The following SORCS3 variants were observed in gnomAD, a reference collection of about 807,000 sequenced individuals.
SORCS3 encodes the protein sortilin related VPS10 domain containing receptor 3.
SORCS3 carries 57 observed loss-of-function variants against 146.3 expected under a neutral mutation model. The ratio of observed to expected loss-of-function variants is 0.39; its 90% CI spans 0.31 to 0.49. The LOEUF (loss-of-function observed/expected upper bound fraction) is 0.49. Among genes scored for constraint, SORCS3 ranks in the 20% least tolerant of loss-of-function variants. The pLI, the probability that SORCS3 is intolerant of heterozygous loss-of-function variation, is 0.92. For synonymous variants in SORCS3, 653 were observed against 618.5 expected (o/e 1.06, Z -0.83); for missense variants, 1,341 against 1,575.5 (o/e 0.85, Z 2.52).
intron 1 of SORCS3, among the ~76,000 whole-genome samples, chr10:104,739,368 A>G (rs940840666): frequency 6.6e-6 from 1 of 152,208 alleles, no homozygotes; most frequent in Non-Finnish European, 1.5e-5. Flanking sequence ...ATTGTCACAT[A>G]GAAGTTCACC....
chr10:105,022,063 A>C (rs55649877), intron 4 of SORCS3, among the ~76,000 whole-genome samples: 2,226 of 152,242 alleles, frequency 0.015, 50 homozygotes, highest in African/African-American at 0.05. Flanking sequence ...ATAAATAGGC[A>C]GAGCACAGAA....
At chr10:105,211,345 G>A in intron 17 of SORCS3, 95 bp downstream of exon 17, 3 of 825,538 alleles carry the variant, frequency 3.6e-6, no homozygotes, top group Non-Finnish European at 6.2e-6. Flanking sequence ...ACAATGGAGT[G>A]AAGATGGAGT....
At chr10:104,871,630 A>G (rs746556320) in intron 2 of SORCS3, among the ~76,000 whole-genome samples, 2 of 152,200 alleles carry the variant, frequency 1.3e-5, no homozygotes, top group Non-Finnish European at 2.9e-5. Flanking sequence ...TAGCGTGCCC[A>G]TCTGAGTGAG....
At chr10:105,041,508 T>A (rs2055338365) in intron 4 of SORCS3, among the ~76,000 whole-genome samples, 1 of 148,038 alleles carries the variant, frequency 6.8e-6, no homozygotes, top group Non-Finnish European at 1.5e-5. Flanking sequence ...CCTACATACA[T>A]ACATGTTTAA....
intron 2 of SORCS3, among the ~76,000 whole-genome samples, chr10:104,913,314 G>A (rs2018989432): frequency 1.3e-5 from 2 of 152,150 alleles, no homozygotes; most frequent in Non-Finnish European, 2.9e-5. Flanking sequence ...GCATTGGTGT[G>A]ATGATGGAAA....
rs1024238289 is a variant in SORCS3 at position 104,881,029 on chromosome 10, T to C, written c.696-34804T>C. ...AGATAATGCCTTGGAATCAAAACTA[T>C]GATTATTTATTTGCTCCAACTTCAG... On this transcript the variant is annotated intron_variant, in intron 2 of 26. Coordinates refer to ENST00000369701, the MANE Select transcript of SORCS3 (RefSeq NM_014978.3). Among the ~76,000 whole-genome samples, 20 of 152,186 alleles carry C rather than the reference T, an allele frequency of 1.3e-4. 4 individuals carry two copies. The highest frequency in any genetic ancestry group is 1.2e-3 in the Admixed American group (19 of 15,284).
chr10:105,022,313 T>TC (rs374622031), intron 4 of SORCS3, among the ~76,000 whole-genome samples: 25,519 of 133,668 alleles, frequency 0.19, 2,415 homozygotes, highest in South Asian at 0.24. Context: ...TTTTTTTTTT[T>TC]CGAGACGGAG....
In SORCS3 at chr10:105,243,015, A is replaced by C. The variant is rs1414949443; in HGVS notation, c.2869-2527A>C. Among the ~76,000 whole-genome samples the C allele has an allele frequency of 2.3e-5, 3 of 130,528 alleles. No homozygotes were observed. The Admixed American group carries it at 2.8e-4, about 12-fold the overall frequency. 85.6% of individuals were successfully genotyped at this position (130,528 alleles called of 152,430 possible). A position where few individuals can be genotyped will look rare whatever the true frequency, so the allele number is the denominator to read the frequency against. On this transcript the variant is annotated intron_variant, in intron 20 of 26. Transcript: ENST00000369701. ...TATATTTATACATGTATTTTTATAT[A>C]TATTTATACATATATATTTACATAT...
intron 4 of SORCS3, among the ~76,000 whole-genome samples, chr10:104,980,459 A>G (rs2054925697): frequency 6.6e-6 from 1 of 152,222 alleles, no homozygotes; most frequent in Non-Finnish European, 1.5e-5. Context: ...AAGGAGAGTG[A>G]TGCTGTGCAG....
chr10:104,931,222 T>A (rs979062734), intron 3 of SORCS3, among the ~76,000 whole-genome samples: 1 of 152,192 alleles, frequency 6.6e-6, no homozygotes, highest in Admixed American at 6.5e-5. Context: ...GGCAGAACTA[T>A]GATTTTGGAG....
chr10:105,170,874 A>C (rs1472208162), intron 13 of SORCS3, among the ~76,000 whole-genome samples: 1 of 152,144 alleles, frequency 6.6e-6, no homozygotes, highest in Non-Finnish European at 1.5e-5. Context: ...CTTGTGAGAT[A>C]CAAGCTTCTG....
chr10:104,698,330 C>CT (rs2016241224), intron 1 of SORCS3, among the ~76,000 whole-genome samples: 2 of 152,210 alleles, frequency 1.3e-5, no homozygotes, highest in South Asian at 2.1e-4. Flanking sequence ...TCATTGCACT[C>CT]TTTTTTGCAA....
At chr10:105,122,068 C>T (rs2055937692) in intron 7 of SORCS3, among the ~76,000 whole-genome samples, 1 of 152,156 alleles carries the variant, frequency 6.6e-6, no homozygotes, top group African/African-American at 2.4e-5. Flanking sequence ...GCCCAGCTCC[C>T]TGGAGAATTC....
chr10:105,173,423 T>C (rs12250847), intron 13 of SORCS3, among the ~76,000 whole-genome samples: 15,250 of 152,258 alleles, frequency 0.1, 867 homozygotes, highest in Middle Eastern at 0.16. Flanking sequence ...ATATTTTCCA[T>C]GACTTCTTTC....
At chr10:104,716,207 T>C (rs367761466) in intron 1 of SORCS3, among the ~76,000 whole-genome samples, 1 of 152,224 alleles carries the variant, frequency 6.6e-6, no homozygotes, top group Non-Finnish European at 1.5e-5. Context: ...ATTTATTTTA[T>C]GTATTGATTA....
At chr10:104,956,918 G>A (rs1041397966) in intron 3 of SORCS3, among the ~76,000 whole-genome samples, 6 of 152,164 alleles carry the variant, frequency 3.9e-5, no homozygotes, top group Non-Finnish European at 7.3e-5. Flanking sequence ...GCTATAGTGA[G>A]TGTGGCTGGG....
intron 1 of SORCS3, among the ~76,000 whole-genome samples, chr10:104,739,440 T>C (rs928871142): frequency 6.6e-6 from 1 of 152,202 alleles, no homozygotes; most frequent in Non-Finnish European, 1.5e-5. Context: ...AGTCTGACCA[T>C]GTTGCCCAGT....
At chr10:105,091,067 C>T (rs2055698535) in intron 6 of SORCS3, among the ~76,000 whole-genome samples, 1 of 151,440 alleles carries the variant, frequency 6.6e-6, no homozygotes, top group Admixed American at 6.6e-5. Context: ...CTCTGTACTC[C>T]TCCCTCCCTC....
intron 1 of SORCS3, among the ~76,000 whole-genome samples, chr10:104,715,892 G>A (rs888878637): frequency 6.6e-6 from 1 of 152,070 alleles, no homozygotes; most frequent in African/African-American, 2.4e-5. Context: ...GTCAGGCCAC[G>A]CCACCCTCTT....
Sources: gnomAD v4.1 joint callset for allele counts (sites outside exome capture counted in the v4.1 genomes callset) on GRCh38, gnomAD v4.1.1 for gene constraint, MANE v1.5 for transcripts, NCBI Gene and HGNC (gene_info 2026-07-23, HGNC 2026-07-21) for gene names.